Variants in INPP5F observed in about 807,000 individuals in gnomAD.
INPP5F encodes inositol polyphosphate-5-phosphatase F.
A neutral mutation model predicts 137.2 loss-of-function variants in INPP5F; 97 were observed. The observed-to-expected ratio is 0.71, with a 90% CI of 0.60 to 0.84. The LOEUF (loss-of-function observed/expected upper bound fraction) is 0.84, where lower values mean the gene tolerates loss of function less well. Ranked by LOEUF, INPP5F falls within the 40% of genes least tolerant of loss-of-function variation. INPP5F has a pLI of 0.00. For missense variants in INPP5F, 1,271 were observed against 1,371.9 expected, an observed-to-expected ratio of 0.93 and a Z score of 1.16; for synonymous variants, 504 against 476.9, an observed-to-expected ratio of 1.06 and a Z score of -0.74.
Position 119,811,101 on chromosome 10 carries a change from T to C in INPP5F, c.1688-656T>C, listed in dbSNP as rs150580601. ...ATTCGTTGACCTAGCTACTCAGTTA[T>C]ATCACTGAGGACCTCAGTTCTGTCC... On this transcript the variant is annotated intron_variant, in intron 14 of 19. Coordinates refer to ENST00000650623, the MANE Select transcript of INPP5F (RefSeq NM_014937.4). Among the ~76,000 whole-genome samples, 165 of 152,366 alleles carry C rather than the reference T, an allele frequency of 1.1e-3. 1 individual carries two copies. In the East Asian group the frequency reaches 0.022, roughly 20 times the overall value.
At chr10:119,819,549 A>G (rs781456430) in intron 15 of INPP5F, 9 of 1,591,058 alleles carry the variant, frequency 5.7e-6, no homozygotes, top group African/African-American at 5.4e-5. Flanking sequence ...CGTAAGTATC[A>G]ACGCGTAAAA....
At chr10:119,823,248 T>C in intron 18 of INPP5F, 49 bp downstream of exon 18, 1 of 1,578,188 alleles carries the variant, frequency 6.3e-7, no homozygotes, top group Non-Finnish European at 8.7e-7. Flanking sequence ...TTCTATTTAT[T>C]CTTAAAAGCC....
At chr10:119,732,700 C>T (rs1040127200) in intron 1 of INPP5F, among the ~76,000 whole-genome samples, 7 of 151,736 alleles carry the variant, frequency 4.6e-5, no homozygotes, top group Non-Finnish European at 8.8e-5. Flanking sequence ...GGGGTTTCGC[C>T]GTATTGGCCA....
chr10:119,810,007 G>A (rs1850965102), intron 13 of INPP5F, 93 bp from the exon 14 acceptor site: 2 of 740,120 alleles, frequency 2.7e-6, no homozygotes, highest in South Asian at 1.6e-5. Context: ...ATAAAAGCCT[G>A]TAGAATTCTA....
chr10:119,779,320 G>A (rs1227403769), intron 2 of INPP5F, among the ~76,000 whole-genome samples: 1 of 152,096 alleles, frequency 6.6e-6, no homozygotes, highest in Non-Finnish European at 1.5e-5. Context: ...GAAGGCCTAG[G>A]ACATTATCGT....
intron 6 of INPP5F, among the ~76,000 whole-genome samples, chr10:119,795,486 C>T (rs961834052): frequency 3.3e-5 from 5 of 151,456 alleles, no homozygotes; most frequent in East Asian, 2.0e-4. Flanking sequence ...GATGGGCGGC[C>T]GGGCAGAGAC....
intron 2 of INPP5F, among the ~76,000 whole-genome samples, chr10:119,781,366 T>TTGTC (rs1158898663): frequency 6.6e-6 from 1 of 152,220 alleles, no homozygotes; most frequent in Non-Finnish European, 1.5e-5. Flanking sequence ...AGCACATGTG[T>TTGTC]TGTCATTCTT....
intron 2 of INPP5F, among the ~76,000 whole-genome samples, chr10:119,759,673 T>C (rs745824345): frequency 1.3e-5 from 2 of 152,186 alleles, no homozygotes; most frequent in African/African-American, 2.4e-5. Flanking sequence ...AAGATTTTCA[T>C]TGGTGACCAG....
intron 1 of INPP5F, among the ~76,000 whole-genome samples, chr10:119,740,241 C>T (rs1007178344): frequency 6.6e-6 from 1 of 152,182 alleles, no homozygotes; most frequent in African/African-American, 2.4e-5. Flanking sequence ...TTTCTAGATT[C>T]TCCCTCTCTC....
At position 119,748,889 on chromosome 10, in the gene INPP5F, G is replaced by T. The variant is rs2134121091; in HGVS notation, c.98-2187G>T. ...TCTGCCCCTTTCTGGACAGGAACCTGTGTCTGTCTCCCTCCACTGCCCAGG... is the reference window on the plus strand; with the variant it reads ...TCTGCCCCTTTCTGGACAGGAACCTTTGTCTGTCTCCCTCCACTGCCCAGG... On this transcript the variant is annotated intron_variant, in intron 1 of 19. Transcript: ENST00000650623. This position sits in a 1 kb window ranked among gnomAD's most constrained non-coding sequence, Gnocchi z 4.7. 6.6e-6 allele frequency among the ~76,000 whole-genome samples: 1 copy of T among 152,308 alleles called. No individual in the cohort carries two copies. The highest frequency in any genetic ancestry group is 2.4e-5 in the African/African-American group (1 of 41,584).
chr10:119,773,398 G>C (rs1434257336), intron 2 of INPP5F, among the ~76,000 whole-genome samples: 2 of 152,140 alleles, frequency 1.3e-5, no homozygotes, highest in East Asian at 3.9e-4. Context: ...CTGCAGGTTT[G>C]TTACATGAGT....
intron 1 of INPP5F, among the ~76,000 whole-genome samples, chr10:119,733,794 G>C (rs1255716651): frequency 6.6e-6 from 1 of 152,208 alleles, no homozygotes; most frequent in Admixed American, 6.5e-5. Flanking sequence ...GAACCTGGCT[G>C]CATTGGTTCA....
intron 1 of INPP5F, among the ~76,000 whole-genome samples, chr10:119,738,648 T>TAC (rs57713774): frequency 0.025 from 3,688 of 150,298 alleles, 61 homozygotes; most frequent in Middle Eastern, 0.044. Context: ...AGATTTTAAA[T>TAC]ACACACACAC....
chr10:119,797,764 T>C, intron 8 of INPP5F, 124 bp downstream of exon 8: 1 of 666,206 alleles, frequency 1.5e-6, no homozygotes, highest in Non-Finnish European at 2.4e-6. Context: ...ATAACTTGTA[T>C]TTGAAAAATG....
intron 1 of INPP5F, among the ~76,000 whole-genome samples, chr10:119,727,193 CAT>C (rs1343220111): frequency 1.3e-5 from 2 of 152,226 alleles, no homozygotes; most frequent in Non-Finnish European, 2.9e-5. Context: ...ATCCTTTCCT[CAT>C]ATCACTCAGA....
chr10:119,824,469 A>C (rs1851687630), intron 19 of INPP5F, among the ~76,000 whole-genome samples: 1 of 152,190 alleles, frequency 6.6e-6, no homozygotes, highest in Non-Finnish European at 1.5e-5. Flanking sequence ...ATGCATGGTC[A>C]GGAAGGACAC....
At chr10:119,793,155 G>A (rs1489552752) in intron 6 of INPP5F, among the ~76,000 whole-genome samples, 1 of 152,162 alleles carries the variant, frequency 6.6e-6, no homozygotes, top group Non-Finnish European at 1.5e-5. Flanking sequence ...GCTCTAACAT[G>A]TTTTGCCGAG....
intron 19 of INPP5F, among the ~76,000 whole-genome samples, chr10:119,826,364 A>T (rs529581077): frequency 1.3e-5 from 2 of 152,360 alleles, no homozygotes; most frequent in South Asian, 4.1e-4. Context: ...AATATTTTGT[A>T]TATATTGGGT....
rs113212247 is a variant in INPP5F, at chr10:119,793,276, C to A, written c.669+1063C>A. On this transcript the variant is annotated intron_variant, in intron 6 of 19. Coordinates refer to ENST00000650623, the MANE Select transcript of INPP5F (RefSeq NM_014937.4). Reference sequence around the variant, plus strand: ...TTCTCTATGCCTGTCAAGAGTTTTGCATTTATTGCTAGAACAGAAATACAA... The same window carrying A: ...TTCTCTATGCCTGTCAAGAGTTTTGAATTTATTGCTAGAACAGAAATACAA... Among the ~76,000 whole-genome samples, 52 of 152,308 alleles carry A rather than the reference C, an allele frequency of 3.4e-4. 2 individuals are homozygous for A. Among genetic ancestry groups the A allele is most frequent in the African/African-American group, 1.3e-3 (52 of 41,572 alleles).
Sources: gnomAD v4.1 joint callset for allele counts (sites outside exome capture counted in the v4.1 genomes callset) on GRCh38, gnomAD v4.1.1 for gene constraint, Gnocchi (gnomAD v3.1) non-coding constraint, MANE v1.5 for transcripts, NCBI Gene and HGNC (gene_info 2026-07-23, HGNC 2026-07-21) for gene names.